Variants in LAMA3 observed in about 807,000 individuals in gnomAD.
The protein encoded by LAMA3 is laminin subunit alpha-3.
In LAMA3, 281 loss-of-function variants were observed where a neutral mutation model predicts 402.0. The observed-to-expected ratio is 0.70, with a 90% CI of 0.63 to 0.77. The LOEUF is 0.77. Ranked by LOEUF, LAMA3 falls within the 30% of genes least tolerant of loss-of-function variation. The pLI is 0.00. For synonymous variants in LAMA3, 1,431 were observed against 1,558.4 expected (o/e 0.92, Z 1.93); for missense variants, 3,840 against 4,215.5 (o/e 0.91, Z 2.47).
At chr18:23,838,670 A>T in intron 25 of LAMA3, 111 bp from the exon 26 acceptor site, 1 of 716,442 alleles carries the variant, frequency 1.4e-6, no homozygotes, top group Admixed American at 2.0e-5. Context: ...GATTAGAATT[A>T]TTATGGATAA....
chr18:23,937,371 C>CAAAA (rs58274189), intron 67 of LAMA3, among the ~76,000 whole-genome samples: 3 of 92,916 alleles, frequency 3.2e-5, no homozygotes, highest in East Asian at 5.0e-4. Flanking sequence ...TTCTCAAAAG[C>CAAAA]AAAAAAAAAA....
At chr18:23,796,576 A>G (rs935985765) in intron 12 of LAMA3, among the ~76,000 whole-genome samples, 4 of 152,214 alleles carry the variant, frequency 2.6e-5, no homozygotes, top group African/African-American at 4.8e-5. Flanking sequence ...TCCTTAAGAA[A>G]CTGACATCTG....
At chr18:23,850,436 C>G (rs969474896) in intron 32 of LAMA3, among the ~76,000 whole-genome samples, 2 of 152,196 alleles carry the variant, frequency 1.3e-5, no homozygotes, top group Non-Finnish European at 2.9e-5. Context: ...TTGGCAAGTC[C>G]TAGCTATGAG....
At chr18:23,786,209 T>C (rs1378679897) in intron 12 of LAMA3, among the ~76,000 whole-genome samples, 2 of 152,198 alleles carry the variant, frequency 1.3e-5, no homozygotes, top group Non-Finnish European at 2.9e-5. Flanking sequence ...CCCCCTTCAT[T>C]ATCCATCCCC....
intron 11 of LAMA3, chr18:23,781,395 G>A (rs2062434855): frequency 2.4e-6 from 1 of 421,908 alleles, no homozygotes; most frequent in Admixed American, 2.7e-5. Context: ...TACCCTCTTA[G>A]GTACCATGGC....
Position 23,931,209 on chromosome 18 carries a change from G to C in LAMA3, c.8576+8G>C. 1 of 1,607,386 alleles carries C rather than the reference G, an allele frequency of 6.2e-7. No individual in the cohort carries two copies. Among genetic ancestry groups the C allele is most frequent in the Non-Finnish European group, 8.5e-7 (1 of 1,173,878 alleles). On this transcript the variant is annotated splice_region_variant and intron_variant, in intron 65 of 74. Coordinates refer to ENST00000313654, the MANE Select transcript of LAMA3 (RefSeq NM_198129.4). ...AATAAGCGACAACTCTGGGTGAGTG[G>C]AATAATACTTCTGTCAGAGCTGTGA...
chr18:23,879,343 C>G lies in LAMA3; in HGVS notation c.5113-2593C>G, dbSNP rs187200381. 2.1e-4 allele frequency among the ~76,000 whole-genome samples: 32 copies of G among 152,304 alleles called. No individual in the cohort carries two copies. The highest frequency in any genetic ancestry group is 3.2e-4 in the Non-Finnish European group (22 of 68,034). On this transcript the variant is annotated intron_variant, in intron 39 of 74. Coordinates refer to ENST00000313654, the MANE Select transcript of LAMA3 (RefSeq NM_198129.4). This position sits in a 1 kb window ranked among gnomAD's most constrained non-coding sequence, Gnocchi z 4.2. ...GCTATTGTGAGACTGAGGTTCTGCA[C>G]GCTGTGTCCCCTGTGCCTGGAATGC...
intron 12 of LAMA3, among the ~76,000 whole-genome samples, chr18:23,808,983 T>G (rs896597619): frequency 2.6e-5 from 4 of 152,230 alleles, no homozygotes; most frequent in Non-Finnish European, 4.4e-5. Context: ...TCTTTTACTG[T>G]GTACACTACA....
intron 19 of LAMA3, 77 bp from the exon 20 acceptor site, chr18:23,822,175 A>G (rs941688330): frequency 6.6e-7 from 1 of 1,522,204 alleles, no homozygotes; most frequent in Non-Finnish European, 9.1e-7. Flanking sequence ...ACACTTGAAT[A>G]GAATAAAGTC....
rs116432288 is a variant in LAMA3, at chr18:23,866,567, C to T, written c.4684-1267C>T. ...GAAAAATAGCTACACAGTAAAAACA[C>T]AGTCACAGCAGTGCTGTATTTCAGT... On this transcript the variant is annotated intron_variant, in intron 36 of 74. Transcript: ENST00000313654. Among the ~76,000 whole-genome samples the T allele has an allele frequency of 5.8e-3, 882 of 152,308 alleles. 11 individuals carry two copies. Among genetic ancestry groups the T allele is most frequent in the African/African-American group, 0.02 (827 of 41,558 alleles).
chr18:23,873,484 A>C (rs2064601686), intron 38 of LAMA3, among the ~76,000 whole-genome samples: 1 of 152,186 alleles, frequency 6.6e-6, no homozygotes, highest in Non-Finnish European at 1.5e-5. Context: ...TATACGATGA[A>C]ACTTTATGCC....
At chr18:23,869,829 G>A (rs1260196049) in intron 37 of LAMA3, among the ~76,000 whole-genome samples, 1 of 152,182 alleles carries the variant, frequency 6.6e-6, no homozygotes, top group African/African-American at 2.4e-5. Flanking sequence ...AGCACTTTGG[G>A]AGGCTGAGGT....
At chr18:23,808,023 G>A (rs565643892) in intron 12 of LAMA3, among the ~76,000 whole-genome samples, 3 of 152,286 alleles carry the variant, frequency 2.0e-5, no homozygotes, top group African/African-American at 7.2e-5. Context: ...CCAATAGCTA[G>A]GGGAGCATTA....
chr18:23,780,493 G>A (rs1450970477), intron 11 of LAMA3, among the ~76,000 whole-genome samples: 2 of 152,156 alleles, frequency 1.3e-5, no homozygotes, highest in African/African-American at 4.8e-5. Flanking sequence ...GTGGGGCTAG[G>A]AGAGAGGGGA....
At chr18:23,866,171 A>G (rs2144774879) in intron 36 of LAMA3, among the ~76,000 whole-genome samples, 1 of 152,330 alleles carries the variant, frequency 6.6e-6, no homozygotes, top group East Asian at 1.9e-4. Context: ...CAGTCTAGAA[A>G]ATTCCTTGAG....
In LAMA3 at chr18:23,932,146, T is replaced by C. The variant is rs1440199891; in HGVS notation, c.8577-14T>C. 6.2e-7 allele frequency: 1 copy of C among 1,613,602 alleles called. No individual in the cohort carries two copies. The highest frequency in any genetic ancestry group is 1.3e-5 in the African/African-American group (1 of 74,940). On this transcript the variant is annotated splice_polypyrimidine_tract_variant and intron_variant, in intron 65 of 74. Coordinates refer to ENST00000313654, the MANE Select transcript of LAMA3 (RefSeq NM_198129.4). ...AGCAGTTCTCACCCATGATTTGCTT[T>C]TCTTCCCTTTCAGACTACGGCTTCT...
chr18:23,876,378 C>A lies in LAMA3; in HGVS notation c.5083C>A (p.Gln1695Lys). Residue 1695 changes from glutamine (Q) to lysine (K), a missense_variant, in exon 39 of 75, where the codon CAA becomes AAA. Coordinates refer to ENST00000313654, the MANE Select transcript of LAMA3 (RefSeq NM_198129.4). ...CTGCAATTGCAACGGACATTCAAAT[C>A]AATGCCAGGATGGCTCAGGCATATG... ...VPCNCNGHSN[Q>K]CQDGSGICVN... is the part of the protein sequence containing the mutation. 6.2e-7 allele frequency: 1 copy of A among 1,613,306 alleles called. No individual in the cohort carries two copies.
Position 23,719,033 on chromosome 18 carries a change from G to T in LAMA3, c.447+4961G>T, listed in dbSNP as rs577863976. Among the ~76,000 whole-genome samples the T allele has an allele frequency of 4.6e-5, 7 of 152,286 alleles. No individual in the cohort carries two copies. The South Asian group carries it at 1.5e-3, about 32-fold the overall frequency. ...CCCTGGTAGGATGGAGCCGTGGTTG[G>T]GTTGCTCTGGTGGCAGCCTACTCAT... On this transcript the variant is annotated intron_variant, in intron 2 of 74. Transcript: ENST00000313654.
intron 24 of LAMA3, among the ~76,000 whole-genome samples, chr18:23,836,757 G>A (rs750800597): frequency 3.3e-5 from 5 of 152,204 alleles, no homozygotes; most frequent in Non-Finnish European, 7.3e-5. Context: ...ACTGAATGGG[G>A]CCTTTAGCCC....
Sources: allele counts gnomAD v4.1 joint callset (sites outside exome capture counted in the v4.1 genomes callset), GRCh38; gene constraint gnomAD v4.1.1; non-coding constraint Gnocchi (gnomAD v3.1); transcripts MANE v1.5; gene names NCBI Gene and HGNC (gene_info 2026-07-23, HGNC 2026-07-21).